The following SRPK1 variants were observed in gnomAD, a reference collection of about 807,000 sequenced individuals.
The protein encoded by SRPK1 is SRSF protein kinase 1.
In SRPK1, 52 loss-of-function variants were observed where a neutral mutation model predicts 89.5. That is an observed-to-expected ratio of 0.58 (90% CI 0.46 to 0.73). The LOEUF is 0.73. Among genes scored for constraint, SRPK1 ranks in the 30% least tolerant of loss-of-function variants. The pLI is 0.00. For synonymous variants in SRPK1, 255 were observed against 270.2 expected (o/e 0.94, Z 0.55); for missense variants, 603 against 780.6 (o/e 0.77, Z 2.71).
intron 13 of SRPK1, among the ~76,000 whole-genome samples, chr6:35,852,997 T>C (rs1276451167): frequency 6.6e-6 from 1 of 152,146 alleles, no homozygotes; most frequent in Non-Finnish European, 1.5e-5. Context: ...TCCAGTGCTT[T>C]GGGAGGCTGA....
intron 2 of SRPK1, among the ~76,000 whole-genome samples, chr6:35,892,626 T>G (rs1271401196): frequency 6.6e-6 from 1 of 151,458 alleles, no homozygotes; most frequent in Non-Finnish European, 1.5e-5. Flanking sequence ...CACTCCACCC[T>G]GGGCAACAGG....
chr6:35,914,015 G>A (rs1326134863), intron 2 of SRPK1, among the ~76,000 whole-genome samples: 67 of 104,622 alleles, frequency 6.4e-4, no homozygotes, highest in Admixed American at 1.4e-3. Context: ...TGCTCTTGTC[G>A]CCCAGGCTGG....
At chr6:35,838,617 T>A (rs1267266268) in intron 14 of SRPK1, 188 bp from the exon 15 acceptor site, 8 of 1,545,524 alleles carry the variant, frequency 5.2e-6, no homozygotes, top group Non-Finnish European at 7.0e-6. Flanking sequence ...CAAAGTCAAA[T>A]TTTTGTGGAT....
At chr6:35,891,951 A>G (rs1740786640) in intron 2 of SRPK1, among the ~76,000 whole-genome samples, 1 of 152,174 alleles carries the variant, frequency 6.6e-6, no homozygotes, top group Non-Finnish European at 1.5e-5. Context: ...AACATGTTAA[A>G]TGTGGAAAAT....
chr6:35,861,847 T>C (rs1038269250), intron 12 of SRPK1, among the ~76,000 whole-genome samples: 1 of 152,262 alleles, frequency 6.6e-6, no homozygotes, highest in East Asian at 1.9e-4. Flanking sequence ...TGCTGTTCAT[T>C]TGAGAGGGAA....
In SRPK1 at chr6:35,915,995, TATACAC is replaced by T. The variant is rs1401772905; in HGVS notation, c.74+4467_74+4472del. ...TCAAAAACAAAAAAAAAAAAAAATA[TATACAC>T]ACACACACACACACACACACACACA... On this transcript the variant is annotated intron_variant, in intron 2 of 15. Coordinates refer to ENST00000373825, the MANE Select transcript of SRPK1 (RefSeq NM_003137.5). Among the ~76,000 whole-genome samples, 496 of 54,616 alleles carry T rather than the reference TATACAC, an allele frequency of 9.1e-3. 9 individuals are homozygous for T. The highest frequency in any genetic ancestry group is 0.035 in the Middle Eastern group (4 of 114). The allele number at this position is 54,616 out of a possible 152,430, so 35.8% of individuals were successfully genotyped here. A position where few individuals can be genotyped will look rare whatever the true frequency, so the allele number is the denominator to read the frequency against.
chr6:35,857,055 C>T, intron 13 of SRPK1: 1 of 469,114 alleles, frequency 2.1e-6, no homozygotes, highest in Non-Finnish European at 3.8e-6. Context: ...GGTTCCTTCA[C>T]CTAACAGGAA....
At chr6:35,841,337 T>C (rs555158990) in intron 14 of SRPK1, among the ~76,000 whole-genome samples, 1 of 152,328 alleles carries the variant, frequency 6.6e-6, no homozygotes, top group East Asian at 1.9e-4. Flanking sequence ...TAACATTACC[T>C]ATTAATATCC....
In SRPK1 at chr6:35,874,278, ATTGGAT is replaced by A. The variant is rs1442189325; in HGVS notation, c.534_539del (p.Lys178_Ser179del). The A allele has an allele frequency of 6.2e-7, 1 of 1,613,496 alleles. No individual in the cohort carries two copies. The highest frequency in any genetic ancestry group is 8.5e-7 in the Non-Finnish European group (1 of 1,179,690). On this transcript the variant is annotated inframe_deletion, in exon 7 of 16. Transcript: ENST00000373825. ...CACAAGGCAGTGGAAGCCCCTGATA[ATTGGAT>A]TTGATGATCCACTTGAGCAGATGAT...
At chr6:35,867,274 G>A (rs1357992945) in intron 12 of SRPK1, among the ~76,000 whole-genome samples, 1 of 152,186 alleles carries the variant, frequency 6.6e-6, no homozygotes, top group East Asian at 1.9e-4. Context: ...GTCATCCAGG[G>A]TGACCTGGAC....
At chr6:35,859,922 G>A (rs1057287704) in intron 12 of SRPK1, among the ~76,000 whole-genome samples, 1 of 151,250 alleles carries the variant, frequency 6.6e-6, no homozygotes, top group African/African-American at 2.4e-5. Flanking sequence ...GCAGTGGTGC[G>A]ATCTTGGCTC....
chr6:35,868,901 TG>T, intron 12 of SRPK1, 108 bp downstream of exon 12: 2 of 765,080 alleles, frequency 2.6e-6, no homozygotes, highest in Non-Finnish European at 4.2e-6. Flanking sequence ...TTCACTGAAG[TG>T]TTGTATCAAT....
Position 35,921,072 on chromosome 6 carries a change from C to G in SRPK1, c.-16G>C, listed in dbSNP as rs1180023749. On this transcript the variant is annotated 5_prime_UTR_variant, in exon 1 of 16. Coordinates refer to ENST00000373825, the MANE Select transcript of SRPK1 (RefSeq NM_003137.5). ...TCCGCTCCATGGTGAGACCGGTAAT[C>G]GCCAGGCGCCTGCGCACTCGAGTGG... The G allele has an allele frequency of 2.0e-6, 3 of 1,519,264 alleles. No individual in the cohort carries two copies. The Admixed American group carries it at 6.2e-5, about 31-fold the overall frequency. The allele number at this position is 1,519,264 out of a possible 1,614,324, so 94.1% of individuals were successfully genotyped here.
intron 13 of SRPK1, among the ~76,000 whole-genome samples, chr6:35,856,302 C>T (rs188565386): frequency 8.3e-4 from 126 of 151,868 alleles, no homozygotes; most frequent in Non-Finnish European, 1.4e-3. Context: ...ACATTTAGTA[C>T]GCTCTCAGAC....
chr6:35,895,343 G>T lies in SRPK1; in HGVS notation c.75-4330C>A, dbSNP rs936502257. On this transcript the variant is annotated intron_variant, in intron 2 of 15. Transcript: ENST00000373825. ...TAAAGACAGAATTTAGGGGCCAGTT[G>T]GGAGAGAAAGAAAAGTCCACCAATA... Among the ~76,000 whole-genome samples, 6 of 152,204 alleles carry T rather than the reference G, an allele frequency of 3.9e-5. No homozygotes were observed. In the East Asian group the frequency reaches 1.2e-3, roughly 29 times the overall value.
chr6:35,836,369 T>C (rs1481171286), intron 15 of SRPK1, among the ~76,000 whole-genome samples: 1 of 151,928 alleles, frequency 6.6e-6, no homozygotes, highest in East Asian at 1.9e-4. Context: ...TGCTCTACAC[T>C]ATACTGGAGT....
intron 6 of SRPK1, among the ~76,000 whole-genome samples, chr6:35,885,031 G>T (rs1770372454): frequency 1.3e-5 from 2 of 152,148 alleles, no homozygotes; most frequent in South Asian, 4.2e-4. Context: ...TATTTCAATA[G>T]TTAAAAAGCC....
intron 8 of SRPK1, among the ~76,000 whole-genome samples, chr6:35,871,173 GATAA>G (rs2127246372): frequency 6.6e-6 from 1 of 152,150 alleles, no homozygotes; most frequent in Non-Finnish European, 1.5e-5. Context: ...AAAAAAAAGG[GATAA>G]ATAAAATTCT....
chr6:35,894,788 A>G (rs1770595366), intron 2 of SRPK1, among the ~76,000 whole-genome samples: 1 of 152,192 alleles, frequency 6.6e-6, no homozygotes, highest in Non-Finnish European at 1.5e-5. Flanking sequence ...AGAGCAGAAT[A>G]AAGTTTTTCA....
Sources: gnomAD v4.1 joint callset for allele counts (sites outside exome capture counted in the v4.1 genomes callset) on GRCh38, gnomAD v4.1.1 for gene constraint, MANE v1.5 for transcripts, NCBI Gene and HGNC (gene_info 2026-07-23, HGNC 2026-07-21) for gene names.